LRMDA: variants seen among roughly 807,000 people sequenced by gnomAD.
LRMDA encodes leucine rich melanocyte differentiation associated.
In LRMDA, 18 loss-of-function variants were observed where a neutral mutation model predicts 29.8. That is an observed-to-expected ratio of 0.60 (90% CI 0.42 to 0.90). The LOEUF is 0.90. Among genes scored for constraint, LRMDA ranks in the 40% least tolerant of loss-of-function variants. The pLI is 0.00. For missense variants in LRMDA, 273 were observed against 273.9 expected (o/e 1.00, Z 0.02); for synonymous variants, 125 against 109.4 (o/e 1.14, Z -0.89).
At chr10:76,415,750 A>C (rs760488429) in intron 6 of LRMDA, among the ~76,000 whole-genome samples, 1 of 152,146 alleles carries the variant, frequency 6.6e-6, no homozygotes, top group Non-Finnish European at 1.5e-5. Context: ...TGCTCCCCAC[A>C]CTTTGTCAGC....
intron 5 of LRMDA, among the ~76,000 whole-genome samples, chr10:76,133,068 G>A (rs892789307): frequency 1.5e-5 from 2 of 137,556 alleles, no homozygotes; most frequent in African/African-American, 2.7e-5. Context: ...TGATCCGCCC[G>A]CCTCAGCCTC....
At chr10:76,470,164 T>C (rs1012264144) in intron 6 of LRMDA, among the ~76,000 whole-genome samples, 2 of 152,124 alleles carry the variant, frequency 1.3e-5, no homozygotes, top group South Asian at 2.1e-4. Context: ...CTTTATTTGC[T>C]AGCAGACTTC....
intron 6 of LRMDA, among the ~76,000 whole-genome samples, chr10:76,534,594 C>T (rs565442623): frequency 1.3e-4 from 20 of 152,282 alleles, no homozygotes; most frequent in Admixed American, 4.6e-4. Flanking sequence ...TTATTTGTTA[C>T]AGCAGCTTGT....
At chr10:76,165,741 G>A (rs969096340) in intron 5 of LRMDA, among the ~76,000 whole-genome samples, 23 of 152,124 alleles carry the variant, frequency 1.5e-4, no homozygotes, top group African/African-American at 5.3e-4. Context: ...CAGATATCGT[G>A]AGAACTCATG....
intron 6 of LRMDA, among the ~76,000 whole-genome samples, chr10:76,525,921 A>G (rs1016650870): frequency 6.6e-6 from 1 of 152,122 alleles, no homozygotes; most frequent in African/African-American, 2.4e-5. Context: ...GTCCCTGGGG[A>G]TTAAAATCTC....
chr10:75,558,155 AT>A (rs11292875), intron 2 of LRMDA, among the ~76,000 whole-genome samples: 15,976 of 132,318 alleles, frequency 0.12, 1,233 homozygotes, highest in African/African-American at 0.24. Context: ...CAGTGGTATG[AT>A]TTTTTTTTTT....
chr10:75,776,646 G>T (rs1268844806), intron 2 of LRMDA, among the ~76,000 whole-genome samples: 3 of 152,158 alleles, frequency 2.0e-5, no homozygotes, highest in African/African-American at 7.2e-5. Context: ...TATTAGCAAG[G>T]GAATTGCATG....
chr10:75,771,792 G>C (rs565146253), intron 2 of LRMDA, among the ~76,000 whole-genome samples: 1 of 152,114 alleles, frequency 6.6e-6, no homozygotes, highest in Admixed American at 6.5e-5. Context: ...GTGAAGAAGG[G>C]TGTGGCACAG....
At chr10:75,454,970 C>A (rs2132034186) in intron 2 of LRMDA, among the ~76,000 whole-genome samples, 1 of 152,324 alleles carries the variant, frequency 6.6e-6, no homozygotes, top group Non-Finnish European at 1.5e-5. Context: ...TAACCATACA[C>A]ACCAAGGCTT....
intron 2 of LRMDA, among the ~76,000 whole-genome samples, chr10:76,009,748 C>T (rs1847740957): frequency 6.6e-6 from 1 of 152,098 alleles, no homozygotes; most frequent in Admixed American, 6.6e-5. Context: ...GCAGCCGCTC[C>T]CTGAAATGGG....
intron 2 of LRMDA, among the ~76,000 whole-genome samples, chr10:75,874,147 G>A (rs571971176): frequency 6.5e-4 from 99 of 152,250 alleles, no homozygotes; most frequent in African/African-American, 2.2e-3. Flanking sequence ...GGGTACATAT[G>A]CCTTAGACTT....
intron 6 of LRMDA, among the ~76,000 whole-genome samples, chr10:76,507,129 G>A (rs138226503): frequency 2.5e-3 from 374 of 151,744 alleles, no homozygotes; most frequent in African/African-American, 8.7e-3. Flanking sequence ...TTTGATAATA[G>A]CCATTTTAAC....
intron 2 of LRMDA, among the ~76,000 whole-genome samples, chr10:75,469,505 C>T (rs765352133): frequency 1.3e-5 from 2 of 152,040 alleles, no homozygotes; most frequent in African/African-American, 4.8e-5. Flanking sequence ...CTGATTTCAT[C>T]CTGCATTTGT....
At chr10:75,900,364 G>C (rs1845650219) in intron 2 of LRMDA, among the ~76,000 whole-genome samples, 1 of 152,182 alleles carries the variant, frequency 6.6e-6, no homozygotes, top group Non-Finnish European at 1.5e-5. Context: ...TTTGAATGGT[G>C]CCAGTCAGAG....
chr10:76,291,490 A>G (rs1423928865), intron 5 of LRMDA, among the ~76,000 whole-genome samples: 1 of 152,146 alleles, frequency 6.6e-6, no homozygotes, highest in African/African-American at 2.4e-5. Flanking sequence ...TCTTTCTCCT[A>G]GTTAGGCATT....
intron 5 of LRMDA, among the ~76,000 whole-genome samples, chr10:76,092,485 G>A (rs1849246452): frequency 6.6e-6 from 1 of 152,128 alleles, no homozygotes; most frequent in South Asian, 2.1e-4. Flanking sequence ...CTCTATCCCT[G>A]TCATTCCCAA....
chr10:75,595,976 T>A (rs886535028), intron 2 of LRMDA, among the ~76,000 whole-genome samples: 5 of 152,214 alleles, frequency 3.3e-5, no homozygotes, highest in African/African-American at 1.2e-4. Flanking sequence ...GTACTAATAA[T>A]GTGATGATAA....
At chr10:75,894,949 T>A (rs1384148771) in intron 2 of LRMDA, among the ~76,000 whole-genome samples, 1 of 152,192 alleles carries the variant, frequency 6.6e-6, no homozygotes, top group Non-Finnish European at 1.5e-5. Flanking sequence ...TACTTTCAGA[T>A]GAGAAACTGG....
At chr10:75,863,656 T>C (rs1280692787) in intron 2 of LRMDA, among the ~76,000 whole-genome samples, 2 of 152,180 alleles carry the variant, frequency 1.3e-5, no homozygotes, top group Non-Finnish European at 2.9e-5. Flanking sequence ...ATGAACAACA[T>C]TGGTAAATGC....
Sources: gnomAD v4.1 joint callset for allele counts (sites outside exome capture counted in the v4.1 genomes callset) on GRCh38, gnomAD v4.1.1 for gene constraint, MANE v1.5 for transcripts, NCBI Gene and HGNC (gene_info 2026-07-23, HGNC 2026-07-21) for gene names.